The following CCDC167 variants were observed in gnomAD, a reference collection of about 807,000 sequenced individuals.
The protein encoded by CCDC167 is coiled-coil domain containing 167, also known as coiled-coil domain-containing protein 167.
Under a neutral mutation model 12.7 loss-of-function variants are expected in CCDC167, and 15 were observed. The observed-to-expected ratio is 1.18, with a 90% confidence interval of 0.79 to 1.81. The LOEUF (loss-of-function observed/expected upper bound fraction) is 1.81. Ranked by LOEUF, CCDC167 falls within the 40% of genes most tolerant of loss-of-function variation. The pLI, the probability that CCDC167 is intolerant of heterozygous loss-of-function variation, is 0.00. For missense variants in CCDC167, 121 were observed against 120.1 expected, an observed-to-expected ratio of 1.01 and a Z score of -0.03; for synonymous variants, 52 against 49.0, an observed-to-expected ratio of 1.06 and a Z score of -0.26.
In CCDC167 at chr6:37,494,056, CTTTTTTTTTTT is replaced by C. The variant is rs70977666; in HGVS notation, c.42+5755_42+5765del. On this transcript the variant is annotated intron_variant, in intron 1 of 3. Transcript: ENST00000373408. ...CACTTCTCATGGTCAGTGATCCTGCCTTTTTTTTTTTTTTTTTTTTTTTTTTGAGACGAAGT... is the reference window on the plus strand; with the variant it reads ...CACTTCTCATGGTCAGTGATCCTGCCTTTTTTTTTTTTTTTGAGACGAAGT... 5.9e-4 allele frequency among the ~76,000 whole-genome samples: 54 copies of C among 91,384 alleles called. 1 individual carries two copies. The East Asian group carries it at 0.021, about 36-fold the overall frequency. The allele number at this position is 91,384 out of a possible 152,430, so 60.0% of individuals were successfully genotyped here. A position where few individuals can be genotyped will look rare whatever the true frequency, so the allele number is the denominator to read the frequency against.
chr6:37,498,139 C>T lies in CCDC167; in HGVS notation c.42+1683G>A, dbSNP rs185294999. On this transcript the variant is annotated intron_variant, in intron 1 of 3. Coordinates refer to ENST00000373408, the MANE Select transcript of CCDC167 (RefSeq NM_138493.3). ...TTAGGGAAATTCGCAAATGTGGAAT[C>T]TGTGAATAATGAGGATCAACTGTAG... Among the ~76,000 whole-genome samples the T allele has an allele frequency of 6.7e-4, 102 of 152,200 alleles. 1 individual carries two copies. Among genetic ancestry groups the T allele is most frequent in the African/African-American group, 2.4e-3 (101 of 41,518 alleles).
chr6:37,499,831 G>C lies in CCDC167; in HGVS notation c.33C>G (p.Val11=). The part of the protein sequence containing the change: MTKKKRENLG[V]ALEIDGLEEK... ...CCACTTTTCCCCTCACCTCTAGAGCGACGCCCAGATTCTCCCGCTTCTTTT... is the reference window on the plus strand; with the variant it reads ...CCACTTTTCCCCTCACCTCTAGAGCCACGCCCAGATTCTCCCGCTTCTTTT... Residue 11 remains valine, a synonymous_variant, in exon 1 of 4, where the codon GTC becomes GTG. Transcript: ENST00000373408. 6 of 1,614,098 alleles carry C rather than the reference G, an allele frequency of 3.7e-6. No homozygotes were observed. Among genetic ancestry groups the C allele is most frequent in the Non-Finnish European group, 5.1e-6 (6 of 1,180,012 alleles).
intron 1 of CCDC167, among the ~76,000 whole-genome samples, chr6:37,495,678 C>T (rs993199030): frequency 2.0e-5 from 3 of 152,198 alleles, no homozygotes; most frequent in African/African-American, 7.2e-5. Flanking sequence ...GCTGCTTATA[C>T]AGCTGGCCCA....
chr6:37,492,793 C>T (rs1402606043), intron 1 of CCDC167, among the ~76,000 whole-genome samples: 1 of 152,190 alleles, frequency 6.6e-6, no homozygotes, highest in Non-Finnish European at 1.5e-5. Context: ...CAAGTGCCTG[C>T]CCAGATGGTC....
intron 1 of CCDC167, among the ~76,000 whole-genome samples, chr6:37,499,396 A>G (rs2113912364): frequency 6.6e-6 from 1 of 152,256 alleles, no homozygotes; most frequent in South Asian, 2.1e-4. Flanking sequence ...AATAATATAC[A>G]CCAGAATGGG....
At chr6:37,496,472 C>T (rs944993544) in intron 1 of CCDC167, among the ~76,000 whole-genome samples, 2 of 152,024 alleles carry the variant, frequency 1.3e-5, no homozygotes, top group Non-Finnish European at 2.9e-5. Flanking sequence ...AAAAGTCTGT[C>T]AGCCAAACAG....
At position 37,491,919 on chromosome 6, in the gene CCDC167, C is replaced by G. The variant is rs139911428; in HGVS notation, c.43-6725G>C. ...ATTAAGTCCGGGAGCTGGGCAGCCA[C>G]GTCTGTGCCCTTAACCACCATGCCA... is the stretch of plus-strand genomic sequence containing the variant. On this transcript the variant is annotated intron_variant, in intron 1 of 3. Coordinates refer to ENST00000373408, the MANE Select transcript of CCDC167 (RefSeq NM_138493.3). 4.2e-3 allele frequency among the ~76,000 whole-genome samples: 640 copies of G among 152,306 alleles called. 5 individuals carry two copies. The highest frequency in any genetic ancestry group is 0.014 in the African/African-American group (564 of 41,564).
chr6:37,497,954 G>A (rs957261368), intron 1 of CCDC167, among the ~76,000 whole-genome samples: 5 of 152,154 alleles, frequency 3.3e-5, no homozygotes, highest in African/African-American at 1.2e-4. Context: ...AAGGACCCTT[G>A]TTTACAGTAG....
intron 1 of CCDC167, among the ~76,000 whole-genome samples, chr6:37,497,108 G>A (rs1581768868): frequency 6.6e-6 from 1 of 152,196 alleles, no homozygotes; most frequent in East Asian, 1.9e-4. Flanking sequence ...AATGGTCTAA[G>A]GACTGTTCTT....
In CCDC167 at chr6:37,499,821, C is replaced by T. The variant is rs1286899636; in HGVS notation, c.42+1G>A. Reference sequence around the variant, plus strand: ...GGCCCAACCCCCACTTTTCCCCTCACCTCTAGAGCGACGCCCAGATTCTCC... The same window carrying T: ...GGCCCAACCCCCACTTTTCCCCTCATCTCTAGAGCGACGCCCAGATTCTCC... On this transcript the variant is annotated splice_donor_variant, in intron 1 of 3. Transcript: ENST00000373408. LOFTEE classifies it high-confidence loss of function. 1.2e-6 allele frequency: 2 copies of T among 1,614,178 alleles called. No individual in the cohort carries two copies. Among genetic ancestry groups the T allele is most frequent in the Non-Finnish European group, 8.5e-7 (1 of 1,180,010 alleles).
chr6:37,487,207 A>T (rs1039771195), intron 1 of CCDC167, among the ~76,000 whole-genome samples: 13 of 152,200 alleles, frequency 8.5e-5, no homozygotes, highest in African/African-American at 3.1e-4. Flanking sequence ...AGATTGGCCC[A>T]TTCCACTTAT....
At chr6:37,494,327 T>C (rs1200901231) in intron 1 of CCDC167, among the ~76,000 whole-genome samples, 1 of 152,160 alleles carries the variant, frequency 6.6e-6, no homozygotes, top group Non-Finnish European at 1.5e-5. Flanking sequence ...CCTCCCAAAG[T>C]GTTGGGATTA....
chr6:37,495,860 A>G (rs2113910156), intron 1 of CCDC167, among the ~76,000 whole-genome samples: 1 of 152,348 alleles, frequency 6.6e-6, no homozygotes, highest in East Asian at 1.9e-4. Context: ...AACTTTTAAT[A>G]AGAGGACAAT....
chr6:37,485,404 A>G (rs1053271903), intron 1 of CCDC167, among the ~76,000 whole-genome samples: 1 of 152,252 alleles, frequency 6.6e-6, no homozygotes, highest in East Asian at 1.9e-4. Context: ...TGCACAGGAC[A>G]GTGGCCTGAG....
chr6:37,498,718 G>A lies in CCDC167; in HGVS notation c.42+1104C>T, dbSNP rs528626877. Among the ~76,000 whole-genome samples the A allele has an allele frequency of 1.2e-4, 19 of 152,124 alleles. No homozygotes were observed. The East Asian group carries it at 3.3e-3, about 26-fold the overall frequency. ...CACGTGCCTGTAATCCCAGCTACTC[G>A]GGAGGCTGAGGCACGAGAATCGCTT... On this transcript the variant is annotated intron_variant, in intron 1 of 3. Coordinates refer to ENST00000373408, the MANE Select transcript of CCDC167 (RefSeq NM_138493.3).
At chr6:37,490,234 A>G (rs1762000961) in intron 1 of CCDC167, among the ~76,000 whole-genome samples, 1 of 152,166 alleles carries the variant, frequency 6.6e-6, no homozygotes, top group African/African-American at 2.4e-5. Flanking sequence ...CCAGGGGCCC[A>G]AGGAACAGGT....
chr6:37,489,433 G>A (rs1398590397), intron 1 of CCDC167, among the ~76,000 whole-genome samples: 5 of 152,154 alleles, frequency 3.3e-5, no homozygotes, highest in Non-Finnish European at 5.9e-5. Context: ...AGCTCGCTCC[G>A]CTTACTCCAG....
At position 37,499,868 on chromosome 6, in the gene CCDC167, C is replaced by T; in HGVS notation, c.-5G>A. ...CTCCCGCTTCTTTTTAGTCATGTTA[C>T]TTGCCGGGATCCCCCAGTCATCACT... On this transcript the variant is annotated 5_prime_UTR_variant, in exon 1 of 4. Transcript: ENST00000373408. The T allele has an allele frequency of 5.0e-6, 8 of 1,614,172 alleles. No homozygotes were observed. Among genetic ancestry groups the T allele is most frequent in the Non-Finnish European group, 6.8e-6 (8 of 1,180,018 alleles).
chr6:37,495,848 A>G (rs1762090839), intron 1 of CCDC167, among the ~76,000 whole-genome samples: 2 of 152,256 alleles, frequency 1.3e-5, no homozygotes, highest in Admixed American at 1.3e-4. Flanking sequence ...CTCTGAGCAC[A>G]CAACTTTTAA....
Sources: gnomAD v4.1 joint callset for allele counts (sites outside exome capture counted in the v4.1 genomes callset) on GRCh38, gnomAD v4.1.1 for gene constraint, MANE v1.5 for transcripts, NCBI Gene and HGNC (gene_info 2026-07-23, HGNC 2026-07-21) for gene names.